ZNF438: variants seen among roughly 807,000 people sequenced by gnomAD.
The protein encoded by ZNF438 is zinc finger protein 438.
A neutral mutation model predicts 38.0 loss-of-function variants in ZNF438; 25 were observed. That is an observed-to-expected ratio of 0.66 (90% confidence interval 0.48 to 0.92). ZNF438 has a LOEUF of 0.92. ZNF438 is among the 40% of genes least tolerant of loss of function. The pLI, the probability that ZNF438 is intolerant of heterozygous loss-of-function variation, is 0.00. For missense variants in ZNF438, 1,007 were observed against 999.6 expected (o/e 1.01, Z -0.10); for synonymous variants, 372 against 364.1 (o/e 1.02, Z -0.25).
intron 4 of ZNF438, among the ~76,000 whole-genome samples, chr10:30,860,628 C>A (rs1294562874): frequency 6.6e-6 from 1 of 152,206 alleles, no homozygotes; most frequent in East Asian, 1.9e-4. Flanking sequence ...TCTTGCCAGG[C>A]TCTTTGATTC....
At chr10:30,938,281 C>CTT (rs879736192) in intron 2 of ZNF438, among the ~76,000 whole-genome samples, 3 of 143,764 alleles carry the variant, frequency 2.1e-5, no homozygotes, top group Non-Finnish European at 3.1e-5. Context: ...CTCTATAGCT[C>CTT]TTTTTTTTTT....
chr10:30,888,299 A>G (rs1049017154), intron 3 of ZNF438, among the ~76,000 whole-genome samples: 1 of 151,058 alleles, frequency 6.6e-6, no homozygotes, highest in Non-Finnish European at 1.5e-5. Flanking sequence ...CAAGAGCAAG[A>G]GAACCCAAAT....
intron 2 of ZNF438, chr10:30,919,126 C>G (rs761118718): frequency 1.3e-5 from 2 of 152,158 alleles, no homozygotes; most frequent in Non-Finnish European, 2.9e-5. Context: ...TTCACATTGT[C>G]CACTTTACTG....
intron 1 of ZNF438, among the ~76,000 whole-genome samples, chr10:30,961,281 A>G (rs1366568805): frequency 6.9e-6 from 1 of 145,320 alleles, no homozygotes; most frequent in Non-Finnish European, 1.6e-5. Flanking sequence ...TTAATTTATT[A>G]TACCTTTTTA....
intron 3 of ZNF438, among the ~76,000 whole-genome samples, chr10:30,886,378 G>A (rs531961247): frequency 1.4e-4 from 22 of 152,196 alleles, no homozygotes; most frequent in Admixed American, 1.1e-3. Flanking sequence ...TGCACTTGAG[G>A]ATGAATTTTC....
intron 1 of ZNF438, among the ~76,000 whole-genome samples, chr10:30,958,082 T>C (rs951820293): frequency 7.5e-5 from 11 of 147,006 alleles, no homozygotes; most frequent in African/African-American, 2.7e-4. Context: ...AGGTCTTTTG[T>C]AGTTCCATTT....
chr10:30,896,853 TA>T (rs2041413142), intron 3 of ZNF438, among the ~76,000 whole-genome samples: 1 of 152,062 alleles, frequency 6.6e-6, no homozygotes, highest in African/African-American at 2.4e-5. Flanking sequence ...TTTACCACAA[TA>T]AAAAAAGTAA....
At chr10:30,892,083 T>C (rs2040757534) in intron 3 of ZNF438, among the ~76,000 whole-genome samples, 1 of 152,228 alleles carries the variant, frequency 6.6e-6, no homozygotes, top group Admixed American at 6.5e-5. Context: ...TTTATTTTGT[T>C]TTCCTCAATC....
intron 1 of ZNF438, among the ~76,000 whole-genome samples, chr10:30,942,423 G>A (rs924385363): frequency 7.2e-5 from 11 of 152,098 alleles, no homozygotes; most frequent in Non-Finnish European, 1.5e-4. Context: ...TTGTTACTAC[G>A]GTAGTCAAGA....
intron 1 of ZNF438, among the ~76,000 whole-genome samples, chr10:31,025,353 G>C (rs780021774): frequency 1.3e-5 from 2 of 152,148 alleles, no homozygotes; most frequent in East Asian, 3.8e-4. Flanking sequence ...TAGATGCTAG[G>C]AGTAATGTCC....
intron 4 of ZNF438, among the ~76,000 whole-genome samples, chr10:30,862,863 T>C (rs1043675682): frequency 6.6e-6 from 1 of 152,210 alleles, no homozygotes; most frequent in Non-Finnish European, 1.5e-5. Flanking sequence ...GAACCAAAAT[T>C]ACAAAGATAT....
intron 2 of ZNF438, among the ~76,000 whole-genome samples, chr10:30,927,578 G>C (rs1358154092): frequency 6.6e-6 from 1 of 152,186 alleles, no homozygotes; most frequent in African/African-American, 2.4e-5. Context: ...CCTAATCCTA[G>C]ATGTTCCCTT....
At chr10:30,877,789 T>A (rs542408184) in intron 3 of ZNF438, among the ~76,000 whole-genome samples, 1 of 152,328 alleles carries the variant, frequency 6.6e-6, no homozygotes, top group Non-Finnish European at 1.5e-5. Flanking sequence ...AAAATAGAAG[T>A]AAATTTTTTT....
chr10:31,032,222 C>T (rs2057337765), upstream of ZNF438, among the ~76,000 whole-genome samples: 1 of 152,220 alleles, frequency 6.6e-6, no homozygotes, highest in Non-Finnish European at 1.5e-5. Context: ...AGTAAGACGC[C>T]TGGGTTGTGA....
At chr10:30,999,755 T>C (rs937381280) in intron 1 of ZNF438, among the ~76,000 whole-genome samples, 1 of 152,176 alleles carries the variant, frequency 6.6e-6, no homozygotes, top group African/African-American at 2.4e-5. Context: ...TAAGATACTT[T>C]AATCGTTTTT....
chr10:31,028,241 C>A (rs181755068), intron 1 of ZNF438, among the ~76,000 whole-genome samples: 1 of 152,212 alleles, frequency 6.6e-6, no homozygotes, highest in South Asian at 2.1e-4. Flanking sequence ...CCGGTGGAAA[C>A]CTGCCTGAAT....
chr10:30,977,812 A>G (rs2994643), intron 1 of ZNF438, among the ~76,000 whole-genome samples: 113,602 of 151,818 alleles, frequency 0.75, 43,423 homozygotes, highest in African/African-American at 0.89. Context: ...GTGAAACCCC[A>G]TTTCTACTAA....
intron 2 of ZNF438, among the ~76,000 whole-genome samples, chr10:30,940,679 A>G (rs191393984): frequency 2.4e-4 from 37 of 152,354 alleles, no homozygotes; most frequent in Non-Finnish European, 4.4e-4. Context: ...AAAATTACTA[A>G]AAGTGGTTCT....
chr10:31,024,215 A>C (rs909830319), intron 1 of ZNF438, among the ~76,000 whole-genome samples: 1 of 152,244 alleles, frequency 6.6e-6, no homozygotes, highest in African/African-American at 2.4e-5. Flanking sequence ...GTGGCACTGA[A>C]TAGGTTATTT....
Sources: gnomAD v4.1 joint callset for allele counts (sites outside exome capture counted in the v4.1 genomes callset) on GRCh38, gnomAD v4.1.1 for gene constraint, MANE v1.5 for transcripts, NCBI Gene and HGNC (gene_info 2026-07-23, HGNC 2026-07-21) for gene names.